MECOM: variants seen among roughly 807,000 people sequenced by gnomAD.
The protein encoded by MECOM is MDS1 and EVI1 complex locus, also known as histone-lysine N-methyltransferase MECOM.
A neutral mutation model predicts 116.3 loss-of-function variants in MECOM; 13 were observed. The ratio of observed to expected loss-of-function variants is 0.11; its 90% CI spans 0.07 to 0.18. The LOEUF is 0.18. MECOM is among the 10% of genes least tolerant of loss of function. The probability of loss-of-function intolerance (pLI) is 1.00; values close to 1 mark genes in which losing one functional copy is unlikely to be tolerated. For synonymous variants in MECOM, 528 were observed against 535.2 expected, an observed-to-expected ratio of 0.99 and a Z score of 0.19; for missense variants, 1,299 against 1,509.0, an observed-to-expected ratio of 0.86 and a Z score of 2.31.
rs190818543 is a variant in MECOM, at chr3:169,374,216, G to A, written c.375+6971C>T. ...CCAAAGAAAGGCTATATGAGGATGA[G>A]ATGAGAAGACAGCTGTCTGCAAGCA... On this transcript the variant is annotated intron_variant, in intron 2 of 16. Coordinates refer to ENST00000651503, the MANE Select transcript of MECOM (RefSeq NM_004991.4). Among the ~76,000 whole-genome samples the A allele has an allele frequency of 8.6e-4, 131 of 151,832 alleles. 1 individual carries two copies. Among genetic ancestry groups the A allele is most frequent in the African/African-American group, 3.1e-3 (127 of 41,454 alleles).
chr3:169,617,124 G>A (rs1190999499), intron 1 of MECOM, among the ~76,000 whole-genome samples: 1 of 152,162 alleles, frequency 6.6e-6, no homozygotes, highest in Admixed American at 6.5e-5. Flanking sequence ...AGATATGGGA[G>A]TGGCTTTGTA....
At chr3:169,655,399 C>T (rs1775423287) in intron 1 of MECOM, among the ~76,000 whole-genome samples, 1 of 152,206 alleles carries the variant, frequency 6.6e-6, no homozygotes, top group Non-Finnish European at 1.5e-5. Flanking sequence ...AGTAAAGTGA[C>T]TTACAAACTC....
chr3:169,518,063 T>G (rs1275738883), intron 1 of MECOM, among the ~76,000 whole-genome samples: 1 of 152,088 alleles, frequency 6.6e-6, no homozygotes, highest in East Asian at 1.9e-4. Context: ...ATCGAGACCA[T>G]CCTGGCTAAC....
chr3:169,363,497 A>G (rs1728649270), intron 2 of MECOM, among the ~76,000 whole-genome samples: 1 of 151,930 alleles, frequency 6.6e-6, no homozygotes, highest in Non-Finnish European at 1.5e-5. Context: ...TGAGCGATCA[A>G]GGCACACCTT....
At chr3:169,652,052 A>T (rs775115939) in intron 1 of MECOM, among the ~76,000 whole-genome samples, 37 of 152,246 alleles carry the variant, frequency 2.4e-4, no homozygotes, top group Non-Finnish European at 4.8e-4. Flanking sequence ...AAAAACTTTA[A>T]GATGTTTTAT....
At chr3:169,653,332 T>C (rs1016014691) in intron 1 of MECOM, among the ~76,000 whole-genome samples, 4 of 152,148 alleles carry the variant, frequency 2.6e-5, no homozygotes, top group Non-Finnish European at 5.9e-5. Flanking sequence ...AAAACAGAAA[T>C]GGGCTCTCCA....
intron 2 of MECOM, among the ~76,000 whole-genome samples, chr3:169,314,442 C>G (rs947934023): frequency 2.6e-5 from 4 of 152,234 alleles, no homozygotes; most frequent in African/African-American, 9.6e-5. Context: ...CCATGTTCTG[C>G]TCCAATGTAA....
chr3:169,182,714 A>T (rs1316314743), intron 2 of MECOM, among the ~76,000 whole-genome samples: 3 of 152,136 alleles, frequency 2.0e-5, no homozygotes, highest in African/African-American at 7.2e-5. Context: ...TGTACTAATG[A>T]TTTTAGAAAA....
chr3:169,590,254 G>A (rs1167234731), intron 1 of MECOM, among the ~76,000 whole-genome samples: 1 of 152,220 alleles, frequency 6.6e-6, no homozygotes, highest in Non-Finnish European at 1.5e-5. Flanking sequence ...ATGAAGTTGG[G>A]AAGCCTGCTC....
intron 2 of MECOM, among the ~76,000 whole-genome samples, chr3:169,180,812 T>TATATATAC (rs1452643090): frequency 7.0e-6 from 1 of 142,256 alleles, no homozygotes; most frequent in African/African-American, 2.7e-5. Flanking sequence ...TATATATATA[T>TATATATAC]ATCAGGCTGT....
At chr3:169,579,171 G>A (rs932732592) in intron 1 of MECOM, among the ~76,000 whole-genome samples, 11 of 152,154 alleles carry the variant, frequency 7.2e-5, no homozygotes, top group Admixed American at 2.6e-4. Context: ...TAGAACAGCT[G>A]CACAGTCTTC....
intron 2 of MECOM, among the ~76,000 whole-genome samples, chr3:169,178,174 G>A (rs1329689430): frequency 2.0e-5 from 3 of 152,160 alleles, no homozygotes; most frequent in Non-Finnish European, 4.4e-5. Flanking sequence ...TATATGAAAT[G>A]TGTGAAAGCC....
At chr3:169,433,101 A>G (rs755035577) in intron 1 of MECOM, among the ~76,000 whole-genome samples, 1 of 152,186 alleles carries the variant, frequency 6.6e-6, no homozygotes, top group African/African-American at 2.4e-5. Flanking sequence ...GTGAGACCCA[A>G]TTGTGGAAAA....
chr3:169,295,552 T>C (rs1577623152), intron 2 of MECOM, among the ~76,000 whole-genome samples: 2 of 152,250 alleles, frequency 1.3e-5, no homozygotes, highest in East Asian at 1.9e-4. Context: ...GGCATAGTAC[T>C]TGTAGAAAAC....
chr3:169,182,032 C>T (rs1746031003), intron 2 of MECOM, among the ~76,000 whole-genome samples: 1 of 152,046 alleles, frequency 6.6e-6, no homozygotes, highest in East Asian at 1.9e-4. Flanking sequence ...CAAATCAAAG[C>T]TAAATAACAA....
At chr3:169,147,774 G>A (rs1740369330) in intron 2 of MECOM, 1 of 951,812 alleles carries the variant, frequency 1.1e-6, no homozygotes, top group Non-Finnish European at 1.2e-6. Flanking sequence ...GTGAGAGAGA[G>A]AGAGATGGGG....
chr3:169,513,718 A>G (rs569025610), intron 1 of MECOM, among the ~76,000 whole-genome samples: 2 of 152,350 alleles, frequency 1.3e-5, no homozygotes, highest in Admixed American at 6.5e-5. Flanking sequence ...CATTACATAT[A>G]TATTTTAGTA....
chr3:169,100,262 C>G (rs1723146193), intron 12 of MECOM, among the ~76,000 whole-genome samples: 1 of 151,916 alleles, frequency 6.6e-6, no homozygotes, highest in African/African-American at 2.4e-5. Context: ...CCACACCTGG[C>G]TAATTTTTGT....
chr3:169,282,157 G>C (rs1347664866), intron 2 of MECOM, among the ~76,000 whole-genome samples: 3 of 152,094 alleles, frequency 2.0e-5, no homozygotes, highest in African/African-American at 2.4e-5. Context: ...AGGTTCCTGG[G>C]GGAGGATATA....
Sources: gnomAD v4.1 joint callset for allele counts (sites outside exome capture counted in the v4.1 genomes callset) on GRCh38, gnomAD v4.1.1 for gene constraint, MANE v1.5 for transcripts, NCBI Gene and HGNC (gene_info 2026-07-23, HGNC 2026-07-21) for gene names.